LRRTM4: variants seen among roughly 807,000 people sequenced by gnomAD.
LRRTM4 encodes leucine-rich repeat transmembrane neuronal protein 4.
A neutral mutation model predicts 47.6 loss-of-function variants in LRRTM4; 25 were observed. The ratio of observed to expected loss-of-function variants is 0.53; its 90% confidence interval spans 0.38 to 0.73. The LOEUF (loss-of-function observed/expected upper bound fraction) is 0.73, where lower values mean the gene tolerates loss of function less well. Among genes scored for constraint, LRRTM4 ranks in the 30% least tolerant of loss-of-function variants. LRRTM4 has a pLI of 0.00. For synonymous variants in LRRTM4, 311 were observed against 269.5 expected, an observed-to-expected ratio of 1.15 and a Z score of -1.51; for missense variants, 638 against 713.4, an observed-to-expected ratio of 0.89 and a Z score of 1.20.
chr2:77,074,791 C>T (rs1208485267), intron 3 of LRRTM4, among the ~76,000 whole-genome samples: 1 of 152,058 alleles, frequency 6.6e-6, no homozygotes, highest in Non-Finnish European at 1.5e-5. Flanking sequence ...AATAGATTTT[C>T]TTCTAATTGT....
intron 3 of LRRTM4, among the ~76,000 whole-genome samples, chr2:77,429,136 G>A (rs1016566343): frequency 2.0e-5 from 3 of 152,132 alleles, no homozygotes; most frequent in African/African-American, 7.2e-5. Flanking sequence ...TAAAGTGCAG[G>A]AAGAACTCAC....
chr2:77,492,998 CTT>C (rs1480152679), intron 3 of LRRTM4, among the ~76,000 whole-genome samples: 2 of 151,918 alleles, frequency 1.3e-5, no homozygotes, highest in East Asian at 3.9e-4. Flanking sequence ...TTTTAGAAGT[CTT>C]ATAAATCAAT....
intron 3 of LRRTM4, among the ~76,000 whole-genome samples, chr2:77,365,531 G>C (rs549670415): frequency 6.6e-6 from 1 of 151,762 alleles, no homozygotes; most frequent in Non-Finnish European, 1.5e-5. Context: ...AGAACTCCAC[G>C]TATGTAGGAG....
At chr2:77,097,783 A>G (rs1351001594) in intron 3 of LRRTM4, among the ~76,000 whole-genome samples, 1 of 151,998 alleles carries the variant, frequency 6.6e-6, no homozygotes, top group Non-Finnish European at 1.5e-5. Flanking sequence ...GAATTAAAAG[A>G]GAACAATGTG....
chr2:77,080,903 G>C (rs1680508782), intron 3 of LRRTM4, among the ~76,000 whole-genome samples: 1 of 152,048 alleles, frequency 6.6e-6, no homozygotes, highest in African/African-American at 2.4e-5. Context: ...TACCATGACA[G>C]GAAACACTCT....
Position 76,976,233 on chromosome 2 carries a change from A to G in LRRTM4, c.1552-227317T>C, listed in dbSNP as rs6722490. Among the ~76,000 whole-genome samples, 584 of 151,938 alleles carry G rather than the reference A, an allele frequency of 3.8e-3. 1 individual carries two copies. The highest frequency in any genetic ancestry group is 0.013 in the African/African-American group (559 of 41,552). On this transcript the variant is annotated intron_variant, in intron 3 of 3. Transcript: ENST00000409884. Reference sequence around the variant, plus strand: ...GTCATTAACCATTCAAAGAGCCTTCAGTAATAACACAATATATTTTTATAA... The same window carrying G: ...GTCATTAACCATTCAAAGAGCCTTCGGTAATAACACAATATATTTTTATAA...
chr2:77,001,978 G>A (rs900100024), intron 3 of LRRTM4, among the ~76,000 whole-genome samples: 1 of 152,004 alleles, frequency 6.6e-6, no homozygotes, highest in South Asian at 2.1e-4. Flanking sequence ...GCCTTCTCAT[G>A]CCTGGCATTT....
intron 3 of LRRTM4, among the ~76,000 whole-genome samples, chr2:76,880,681 G>A (rs558101448): frequency 6.6e-6 from 1 of 152,256 alleles, no homozygotes; most frequent in Admixed American, 6.5e-5. Context: ...GAAGTCAGGT[G>A]TTTCAAACTG....
At chr2:77,063,199 C>T (rs1016908029) in intron 3 of LRRTM4, among the ~76,000 whole-genome samples, 2 of 152,088 alleles carry the variant, frequency 1.3e-5, no homozygotes, top group Non-Finnish European at 2.9e-5. Flanking sequence ...ACCTCGTGAT[C>T]CGCCCACCTC....
At chr2:76,997,133 C>T (rs1370343346) in intron 3 of LRRTM4, among the ~76,000 whole-genome samples, 1 of 151,994 alleles carries the variant, frequency 6.6e-6, no homozygotes, top group Non-Finnish European at 1.5e-5. Flanking sequence ...ACCTAATTTC[C>T]CCTGTTCTGA....
chr2:77,237,715 G>A (rs1030236539), intron 3 of LRRTM4, among the ~76,000 whole-genome samples: 6 of 152,224 alleles, frequency 3.9e-5, no homozygotes, highest in Non-Finnish European at 7.4e-5. Flanking sequence ...CTCGTTTGGT[G>A]GAATAAATCT....
chr2:76,809,797 A>G (rs1325939654), intron 3 of LRRTM4, among the ~76,000 whole-genome samples: 2 of 152,174 alleles, frequency 1.3e-5, no homozygotes, highest in African/African-American at 2.4e-5. Flanking sequence ...ATCCAGCCAC[A>G]GTTACTTGCT....
chr2:77,090,905 C>A (rs369302289), intron 3 of LRRTM4, among the ~76,000 whole-genome samples: 14 of 152,200 alleles, frequency 9.2e-5, no homozygotes, highest in Non-Finnish European at 1.8e-4. Context: ...CTTCAGGTAA[C>A]TCTCACAGTG....
intron 3 of LRRTM4, among the ~76,000 whole-genome samples, chr2:77,329,451 CA>C (rs1670892525): frequency 1.3e-5 from 2 of 152,108 alleles, no homozygotes; most frequent in African/African-American, 4.8e-5. Flanking sequence ...ATCTTATCCT[CA>C]AGGAGTTTAC....
chr2:77,383,505 C>T (rs776665191), intron 3 of LRRTM4, among the ~76,000 whole-genome samples: 5 of 151,982 alleles, frequency 3.3e-5, no homozygotes, highest in East Asian at 1.9e-4. Flanking sequence ...TTTTCCACTA[C>T]GACCCAAAAG....
At chr2:76,956,374 A>G (rs185820637) in intron 3 of LRRTM4, among the ~76,000 whole-genome samples, 1 of 151,868 alleles carries the variant, frequency 6.6e-6, no homozygotes, top group East Asian at 1.9e-4. Context: ...TAAGGGGAAC[A>G]ATTTGTCCAA....
intron 3 of LRRTM4, among the ~76,000 whole-genome samples, chr2:77,364,253 T>C (rs1672355877): frequency 6.6e-6 from 1 of 152,188 alleles, no homozygotes; most frequent in Non-Finnish European, 1.5e-5. Flanking sequence ...ATGTTTACCT[T>C]CTGCTCCTCT....
chr2:77,131,104 G>C (rs1442984180), intron 3 of LRRTM4, among the ~76,000 whole-genome samples: 1 of 151,918 alleles, frequency 6.6e-6, no homozygotes, highest in Non-Finnish European at 1.5e-5. Flanking sequence ...AAAGTGCTGG[G>C]ATTACAGGCG....
intron 3 of LRRTM4, among the ~76,000 whole-genome samples, chr2:76,793,441 T>A (rs1675084903): frequency 6.6e-6 from 1 of 152,048 alleles, no homozygotes; most frequent in Admixed American, 6.5e-5. Flanking sequence ...AAGAATCAAG[T>A]ATTTTTTTTT....
Sources: allele counts gnomAD v4.1 joint callset (sites outside exome capture counted in the v4.1 genomes callset), GRCh38; gene constraint gnomAD v4.1.1; transcripts MANE v1.5; gene names NCBI Gene and HGNC (gene_info 2026-07-23, HGNC 2026-07-21).